NXN: variants seen among roughly 807,000 people sequenced by gnomAD.
NXN encodes nucleoredoxin, also known as nucleoredoxin 1.
A neutral mutation model predicts 48.6 loss-of-function variants in NXN; 16 were observed. That is an observed-to-expected ratio of 0.33 (90% CI 0.22 to 0.50). NXN has a LOEUF of 0.50. NXN is among the 20% of genes least tolerant of loss of function. NXN has a pLI of 0.98. For missense variants in NXN, 492 were observed against 605.5 expected (o/e 0.81, Z 1.97); for synonymous variants, 281 against 269.6 (o/e 1.04, Z -0.41).
At chr17:834,845 A>G (rs1029562784) in intron 1 of NXN, among the ~76,000 whole-genome samples, 1 of 150,876 alleles carries the variant, frequency 6.6e-6, no homozygotes, top group African/African-American at 2.4e-5. Flanking sequence ...TAGTAGAGAC[A>G]GGGTTTCACC....
At chr17:848,043 A>G (rs935962540) in intron 1 of NXN, among the ~76,000 whole-genome samples, 12 of 152,120 alleles carry the variant, frequency 7.9e-5, no homozygotes, top group African/African-American at 2.9e-4. Flanking sequence ...AAGATGAAAC[A>G]CTACGAATTA....
At chr17:829,778 A>G (rs9898574) in intron 1 of NXN, among the ~76,000 whole-genome samples, 3,342 of 152,166 alleles carry the variant, frequency 0.022, 103 homozygotes, top group African/African-American at 0.076. Flanking sequence ...AGCTTCATCC[A>G]TGTCCCTGCA....
chr17:817,296 A>C (rs1300805460), intron 5 of NXN, among the ~76,000 whole-genome samples: 2 of 152,154 alleles, frequency 1.3e-5, no homozygotes, highest in African/African-American at 4.8e-5. Context: ...ACCAATCTAA[A>C]ATTAAATATT....
At chr17:969,668 G>A (rs753179919) in intron 1 of NXN, among the ~76,000 whole-genome samples, 1 of 152,046 alleles carries the variant, frequency 6.6e-6, no homozygotes, top group South Asian at 2.1e-4. Context: ...AAAGAAAACC[G>A]TCTTGACCTG....
chr17:829,554 T>C (rs1342642790), intron 1 of NXN, among the ~76,000 whole-genome samples: 3 of 151,146 alleles, frequency 2.0e-5, no homozygotes, highest in Admixed American at 1.3e-4. Flanking sequence ...GCTGCACCCA[T>C]CAACCTGTCA....
intron 1 of NXN, among the ~76,000 whole-genome samples, chr17:841,448 CT>C (rs1914226023): frequency 1.5e-5 from 2 of 129,322 alleles, no homozygotes; most frequent in Admixed American, 8.1e-5. Context: ...GCAGGTCCCC[CT>C]GACCACGGCG....
At chr17:975,893 T>C (rs1309768309) in intron 1 of NXN, among the ~76,000 whole-genome samples, 1 of 152,214 alleles carries the variant, frequency 6.6e-6, no homozygotes. Context: ...ATCGATCACA[T>C]TCCTTCTCTC....
chr17:897,566 A>G (rs922547903), intron 1 of NXN, among the ~76,000 whole-genome samples: 42 of 152,292 alleles, frequency 2.8e-4, no homozygotes, highest in African/African-American at 9.9e-4. Flanking sequence ...GAGAAATTAG[A>G]CAGTACTGCC....
rs372367715 is a variant in NXN, at chr17:820,157, G to A, written c.714-612C>T. ...TGTGATGATGGTGGTTACGTGGTACGTACATCAGTCAGCTGAACTGTGTAC... is the reference window on the plus strand; with the variant it reads ...TGTGATGATGGTGGTTACGTGGTACATACATCAGTCAGCTGAACTGTGTAC... On this transcript the variant is annotated intron_variant, in intron 4 of 7. Transcript: ENST00000336868. Among the ~76,000 whole-genome samples the A allele has an allele frequency of 4.5e-4, 68 of 151,936 alleles. 1 individual carries two copies. In the Middle Eastern group the frequency reaches 0.034, roughly 77 times the overall value.
rs540553450 is a variant in NXN at position 853,379 on chromosome 17, C to T, written c.361-27301G>A. ...AGGAGAATCGCTTGAACCTGGGAGG[C>T]GCATGTTACAGTGAGCCGAGATCAC... On this transcript the variant is annotated intron_variant, in intron 1 of 7. Transcript: ENST00000336868. Among the ~76,000 whole-genome samples the T allele has an allele frequency of 3.9e-5, 6 of 151,960 alleles. No homozygotes were observed. The South Asian group carries it at 6.3e-4, about 16-fold the overall frequency.
rs147096021 is a variant in NXN at position 920,462 on chromosome 17, C to T, written c.360+58857G>A. Among the ~76,000 whole-genome samples, 24 of 152,168 alleles carry T rather than the reference C, an allele frequency of 1.6e-4. No individual in the cohort carries two copies. Among genetic ancestry groups the T allele is most frequent in the Admixed American group, 3.3e-4 (5 of 15,262 alleles). ...GCCTGCCTGATCCCAATTCCTCCAGCGTTCTCCTCCCAGGGTTCCGCTCCC... is the reference window on the plus strand; with the variant it reads ...GCCTGCCTGATCCCAATTCCTCCAGTGTTCTCCTCCCAGGGTTCCGCTCCC... On this transcript the variant is annotated intron_variant, in intron 1 of 7. Transcript: ENST00000336868. The surrounding 1 kb of genome is among the most constrained non-coding windows in gnomAD (Gnocchi z 4.6).
intron 1 of NXN, among the ~76,000 whole-genome samples, chr17:914,177 GGCGCCCGCCACCACGCCCAGCTA>G (rs2068662940): frequency 6.1e-5 from 3 of 49,188 alleles, no homozygotes; most frequent in Admixed American, 2.9e-4. Context: ...TGGGATTACA[GGCGCCCGCCACCACGCCCAGCTA>G]ATTTTTGTAT....
rs537924290 is a variant in NXN at position 963,715 on chromosome 17, G to A, written c.360+15604C>T. ...TGCAGTATATGCCTATTCTTTTTCTGGAAAAACATACCAGACACTACTAAC... is the reference window on the plus strand; with the variant it reads ...TGCAGTATATGCCTATTCTTTTTCTAGAAAAACATACCAGACACTACTAAC... On this transcript the variant is annotated intron_variant, in intron 1 of 7. Transcript: ENST00000336868. 2.0e-5 allele frequency among the ~76,000 whole-genome samples: 3 copies of A among 152,034 alleles called. No individual in the cohort carries two copies. In the East Asian group the frequency reaches 5.8e-4, roughly 29 times the overall value.
At chr17:964,631 G>A (rs2069280951) in intron 1 of NXN, among the ~76,000 whole-genome samples, 1 of 152,190 alleles carries the variant, frequency 6.6e-6, no homozygotes, top group African/African-American at 2.4e-5. Flanking sequence ...GCCTACATCT[G>A]AAATGTCAGA....
chr17:812,741 C>T lies in NXN; in HGVS notation c.820+6698G>A, dbSNP rs564057887. On this transcript the variant is annotated intron_variant, in intron 5 of 7. Transcript: ENST00000336868. ...GTGTAGGGTGTGTGAGTGTAGGGTG[C>T]GTGAGTGAGAGTGTGCATATGTGTG... is the stretch of plus-strand genomic sequence containing the variant. Among the ~76,000 whole-genome samples, 34 of 132,970 alleles carry T rather than the reference C, an allele frequency of 2.6e-4. 1 individual carries two copies. In the South Asian group the frequency reaches 7.2e-3, roughly 28 times the overall value. 87.2% of individuals were successfully genotyped at this position (132,970 alleles called of 152,430 possible).
At chr17:907,603 GTCCTGACATTATA>G (rs2068592801) in intron 1 of NXN, 1 of 116,408 alleles carries the variant, frequency 8.6e-6, no homozygotes, top group African/African-American at 3.0e-5. Flanking sequence ...GCCTCCCAAA[GTCCTGACATTATA>G]GGCGTGAAAA....
Position 946,672 on chromosome 17 carries a change from C to T in NXN, c.360+32647G>A, listed in dbSNP as rs115107734. On this transcript the variant is annotated intron_variant, in intron 1 of 7. Coordinates refer to ENST00000336868, the MANE Select transcript of NXN (RefSeq NM_022463.5). ...CCACGCTCCCCGTTAGCCTCGGCGC[C>T]TCACAGGGAAAAAGAATCGGCTCTG... is the stretch of plus-strand genomic sequence containing the variant. 3.5e-3 allele frequency among the ~76,000 whole-genome samples: 528 copies of T among 152,322 alleles called. 2 individuals carry two copies. The highest frequency in any genetic ancestry group is 0.012 in the African/African-American group (506 of 41,576).
chr17:902,779 ATTCT>A (rs2068548751), intron 1 of NXN, among the ~76,000 whole-genome samples: 2 of 145,510 alleles, frequency 1.4e-5, no homozygotes, highest in East Asian at 4.2e-4. Flanking sequence ...TCTGCCCATC[ATTCT>A]TTTTTTTTTT....
intron 1 of NXN, among the ~76,000 whole-genome samples, chr17:909,085 T>G: frequency 7.9e-6 from 1 of 126,876 alleles, no homozygotes. Context: ...GGCGACAGAG[T>G]GAGACTTCGT....
Sources: allele counts gnomAD v4.1 joint callset (sites outside exome capture counted in the v4.1 genomes callset), GRCh38; gene constraint gnomAD v4.1.1; non-coding constraint Gnocchi (gnomAD v3.1); transcripts MANE v1.5; gene names NCBI Gene and HGNC (gene_info 2026-07-23, HGNC 2026-07-21).